The following KDM2A variants were observed in gnomAD, a reference collection of about 807,000 sequenced individuals.
The protein encoded by KDM2A is lysine demethylase 2A, also known as lysine-specific demethylase 2A.
A neutral mutation model predicts 137.3 loss-of-function variants in KDM2A; 3 were observed. The observed-to-expected ratio is 0.02, with a 90% CI of 0.01 to 0.06. The LOEUF (loss-of-function observed/expected upper bound fraction) is 0.06, where lower values mean the gene tolerates loss of function less well. Among genes scored for constraint, KDM2A ranks in the 10% least tolerant of loss-of-function variants. KDM2A has a pLI of 1.00. For synonymous variants in KDM2A, 512 were observed against 541.5 expected (o/e 0.95, Z 0.76); for missense variants, 738 against 1,510.6 (o/e 0.49, Z 8.48).
chr11:67,198,996 C>G (rs1027802956), intron 5 of KDM2A, among the ~76,000 whole-genome samples: 2 of 152,002 alleles, frequency 1.3e-5, no homozygotes, highest in Admixed American at 6.6e-5. Context: ...CCAGGGTGAT[C>G]TTAAACTCCT....
chr11:67,128,989 A>G (rs1320099629), intron 2 of KDM2A, among the ~76,000 whole-genome samples: 1 of 152,214 alleles, frequency 6.6e-6, no homozygotes, highest in Non-Finnish European at 1.5e-5. Context: ...AGGTTGAGGC[A>G]GAAGTATCAT....
intron 2 of KDM2A, among the ~76,000 whole-genome samples, chr11:67,164,987 C>G (rs1338162229): frequency 6.6e-6 from 1 of 152,080 alleles, no homozygotes; most frequent in Non-Finnish European, 1.5e-5. Flanking sequence ...ATAGTTTTCT[C>G]TGCTTTAACT....
At chr11:67,208,562 G>A (rs571963780) in intron 6 of KDM2A, among the ~76,000 whole-genome samples, 2 of 152,110 alleles carry the variant, frequency 1.3e-5, no homozygotes, top group Non-Finnish European at 2.9e-5. Context: ...CTGAGGTCAG[G>A]AGTTTGAGAC....
At chr11:67,216,066 G>A (rs527747120) in intron 8 of KDM2A, 117 bp downstream of exon 8, 16 of 793,310 alleles carry the variant, frequency 2.0e-5, no homozygotes, top group African/African-American at 3.4e-5. Flanking sequence ...GTCCCCATTC[G>A]TATCTGGAAA....
At chr11:67,168,582 TACACACAC>T (rs71056179) in intron 2 of KDM2A, among the ~76,000 whole-genome samples, 8 of 33,994 alleles carry the variant, frequency 2.4e-4, no homozygotes, top group African/African-American at 1.1e-3. Context: ...GTATGAATTA[TACACACAC>T]ACACACACAC....
chr11:67,242,855 A>G (rs1168449864), intron 12 of KDM2A, among the ~76,000 whole-genome samples, 154 bp from the exon 13 acceptor site: 1 of 152,134 alleles, frequency 6.6e-6, no homozygotes, highest in Non-Finnish European at 1.5e-5. Flanking sequence ...TTTGTTTTCC[A>G]GTGAGTCTCT....
At chr11:67,249,911 C>T (rs11601878) in intron 16 of KDM2A, among the ~76,000 whole-genome samples, 175 bp from the exon 17 acceptor site, 151 of 152,260 alleles carry the variant, frequency 9.9e-4, no homozygotes, top group Admixed American at 1.9e-3. Flanking sequence ...GCAGGTGGAT[C>T]ACTTGAGCCC....
chr11:67,166,865 T>A (rs1590740996), intron 2 of KDM2A, among the ~76,000 whole-genome samples: 2 of 152,162 alleles, frequency 1.3e-5, no homozygotes, highest in Middle Eastern at 6.8e-3. Flanking sequence ...TCACTTGAGG[T>A]CAGGAGTTTG....
At chr11:67,244,863 G>C (rs1859157639) in intron 13 of KDM2A, among the ~76,000 whole-genome samples, 1 of 151,982 alleles carries the variant, frequency 6.6e-6, no homozygotes, top group Non-Finnish European at 1.5e-5. Flanking sequence ...GTGGGCACCT[G>C]TAGTCCCAGC....
At chr11:67,240,107 G>T in intron 12 of KDM2A, 1 of 1,375,730 alleles carries the variant, frequency 7.3e-7, no homozygotes, top group Non-Finnish European at 9.4e-7. Context: ...CGCAGGCACA[G>T]GAAGCCGCGG....
intron 5 of KDM2A, among the ~76,000 whole-genome samples, chr11:67,186,907 C>T (rs529187488): frequency 6.6e-6 from 1 of 152,194 alleles, no homozygotes; most frequent in African/African-American, 2.4e-5. Flanking sequence ...ATTTCTTCCA[C>T]CCCATGAATG....
At chr11:67,175,157 C>T (rs1372687799) in intron 2 of KDM2A, among the ~76,000 whole-genome samples, 4 of 152,124 alleles carry the variant, frequency 2.6e-5, no homozygotes, top group Non-Finnish European at 5.9e-5. Flanking sequence ...TCCAGGGTTA[C>T]TGTGAGGATT....
rs61320277 is a variant in KDM2A at position 67,201,218 on chromosome 11, A to ATGTG, written c.308-6278_308-6275dup. Among the ~76,000 whole-genome samples, 999 of 145,318 alleles carry ATGTG rather than the reference A, an allele frequency of 6.9e-3. 31 individuals carry two copies. Among genetic ancestry groups the ATGTG allele is most frequent in the Non-Finnish European group, 3.6e-3 (239 of 66,646 alleles). ...CAAAAAAAAAAATATATATATATAT[A>ATGTG]TGTGTGTGTGTGTGTGTATATATAT... On this transcript the variant is annotated intron_variant, in intron 5 of 20. Transcript: ENST00000529006.
rs1857159346 is a variant in KDM2A at position 67,184,498 on chromosome 11, GGC to G, written c.307+2609_307+2610del. The stretch of plus-strand genomic sequence containing the variant: ...CAAAAATTAGCTGGGCGTGGTGGTG[GGC>G]GCCTGTAATCCCAGCTACTCAGGAG... On this transcript the variant is annotated intron_variant, in intron 5 of 20. Coordinates refer to ENST00000529006, the MANE Select transcript of KDM2A (RefSeq NM_012308.3). 2.0e-5 allele frequency among the ~76,000 whole-genome samples: 3 copies of G among 152,132 alleles called. No individual in the cohort carries two copies. In the South Asian group the frequency reaches 6.2e-4, roughly 32 times the overall value.
chr11:67,165,194 T>C (rs1334181270), intron 2 of KDM2A, among the ~76,000 whole-genome samples: 1 of 151,994 alleles, frequency 6.6e-6, no homozygotes, highest in Non-Finnish European at 1.5e-5. Context: ...CGATCTTGGC[T>C]CACCGCATCC....
At chr11:67,188,158 T>TG (rs779210761) in intron 5 of KDM2A, among the ~76,000 whole-genome samples, 3 of 152,076 alleles carry the variant, frequency 2.0e-5, no homozygotes, top group Non-Finnish European at 4.4e-5. Context: ...TAGTCCAGCC[T>TG]GGGTGACAGA....
chr11:67,228,423 G>A (rs1357700665), intron 11 of KDM2A, among the ~76,000 whole-genome samples: 1 of 152,114 alleles, frequency 6.6e-6, no homozygotes, highest in Admixed American at 6.6e-5. Context: ...CGGACACGCT[G>A]GTTCACGCCT....
chr11:67,195,840 A>G (rs1038510894), intron 5 of KDM2A: 2 of 245,756 alleles, frequency 8.1e-6, no homozygotes, highest in South Asian at 4.9e-5. Context: ...TACCCAGTTC[A>G]AAGCTGGTTC....
chr11:67,172,750 A>G (rs1856905039), intron 2 of KDM2A, among the ~76,000 whole-genome samples: 1 of 152,026 alleles, frequency 6.6e-6, no homozygotes, highest in Non-Finnish European at 1.5e-5. Flanking sequence ...CCTAATTGCC[A>G]TAGCTAGAAA....
Sources: allele counts gnomAD v4.1 joint callset (sites outside exome capture counted in the v4.1 genomes callset), GRCh38; gene constraint gnomAD v4.1.1; transcripts MANE v1.5; gene names NCBI Gene and HGNC (gene_info 2026-07-23, HGNC 2026-07-21).